The following NRDC variants were observed in gnomAD, a reference collection of about 807,000 sequenced individuals.
NRDC encodes nardilysin.
In NRDC, 54 loss-of-function variants were observed where a neutral mutation model predicts 147.1. The ratio of observed to expected loss-of-function variants is 0.37; its 90% CI spans 0.29 to 0.46. The LOEUF (loss-of-function observed/expected upper bound fraction) is 0.46. NRDC is among the 20% of genes least tolerant of loss of function. The pLI is 1.00. For synonymous variants in NRDC, 440 were observed against 482.1 expected (o/e 0.91, Z 1.14); for missense variants, 1,082 against 1,370.6 (o/e 0.79, Z 3.33).
rs1681350620 is a variant in NRDC at position 51,843,063 on chromosome 1, C to CACAA, written c.342-2550_342-2549insTTGT. 1.5e-4 allele frequency among the ~76,000 whole-genome samples: 10 copies of CACAA among 67,988 alleles called. No individual in the cohort carries two copies. In the South Asian group the frequency reaches 6.3e-3, roughly 43 times the overall value. 44.6% of individuals were successfully genotyped at this position (67,988 alleles called of 152,430 possible). On this transcript the variant is annotated intron_variant, in intron 1 of 30. Coordinates refer to ENST00000352171, the MANE Select transcript of NRDC (RefSeq NM_001101662.2). ...TGGGCAACAGAGCAAAAACCTGTCT[C>CACAA]AAAAAAAAAAAAAAAAAAAAAAGCT...
intron 22 of NRDC, 181 bp from the exon 23 acceptor site, chr1:51,795,035 T>C (rs1024042793): frequency 5.4e-6 from 8 of 1,471,284 alleles, no homozygotes; most frequent in Non-Finnish European, 7.2e-6. Flanking sequence ...ATTGTGTTTG[T>C]GGAACACTAA....
chr1:51,795,220 A>C, intron 22 of NRDC: 1 of 1,306,528 alleles, frequency 7.7e-7, no homozygotes, highest in Non-Finnish European at 1.0e-6. Flanking sequence ...TGGATAAAGC[A>C]AAGAAAATAA....
At chr1:51,863,539 C>T (rs1411261992) in intron 1 of NRDC, among the ~76,000 whole-genome samples, 1 of 152,156 alleles carries the variant, frequency 6.6e-6, no homozygotes, top group Non-Finnish European at 1.5e-5. Context: ...TGGCAAGCTA[C>T]GTCATATACT....
chr1:51,816,769 T>C (rs1171732193), intron 10 of NRDC, among the ~76,000 whole-genome samples: 7 of 152,248 alleles, frequency 4.6e-5, no homozygotes, highest in South Asian at 2.1e-4. Flanking sequence ...TGGTACCACA[T>C]TGGGTTCTGT....
At chr1:51,790,868 C>T in intron 28 of NRDC, 32 bp downstream of exon 28, 1 of 1,576,402 alleles carries the variant, frequency 6.3e-7, no homozygotes, top group Non-Finnish European at 8.7e-7. Context: ...TTGTGTGGGC[C>T]AAAGGCCAAA....
rs76550698 is a variant in NRDC, at chr1:51,791,041, G to A, written c.2961-51C>T. On this transcript the variant is annotated intron_variant, in intron 27 of 30. Transcript: ENST00000352171. ...ACTAAAACAAAACATCTTCAATTAA[G>A]TCATCAGAAACCCGATCTCAGGCAG... 2.5e-3 allele frequency: 3,259 copies of A among 1,319,638 alleles called. 58 individuals are homozygous for A. In the African/African-American group the frequency reaches 0.041, roughly 17 times the overall value. 81.7% of individuals were successfully genotyped at this position (1,319,638 alleles called of 1,614,324 possible).
At chr1:51,811,580 C>T (rs182947437) in intron 15 of NRDC, among the ~76,000 whole-genome samples, 132 of 152,188 alleles carry the variant, frequency 8.7e-4, no homozygotes, top group African/African-American at 2.7e-3. Context: ...GTTTCTAATT[C>T]GGGAACCTTA....
intron 3 of NRDC, among the ~76,000 whole-genome samples, 153 bp downstream of exon 3, chr1:51,835,978 C>T (rs899075362): frequency 3.3e-5 from 5 of 152,204 alleles, no homozygotes; most frequent in Admixed American, 6.5e-5. Flanking sequence ...GTTTCCCCCA[C>T]GATATTCATA....
intron 24 of NRDC, 25 bp downstream of exon 24, chr1:51,794,446 GC>G: frequency 1.2e-6 from 2 of 1,609,122 alleles, no homozygotes; most frequent in Non-Finnish European, 1.7e-6. Flanking sequence ...TGGGCCTTCC[GC>G]CAGTCTTTAG....
In NRDC at chr1:51,845,018, C is replaced by A. The variant is rs1234657962; in HGVS notation, c.342-4504G>T. 3.9e-5 allele frequency among the ~76,000 whole-genome samples: 6 copies of A among 152,140 alleles called. No homozygotes were observed. In the East Asian group the frequency reaches 9.6e-4, roughly 24 times the overall value. On this transcript the variant is annotated intron_variant, in intron 1 of 30. Coordinates refer to ENST00000352171, the MANE Select transcript of NRDC (RefSeq NM_001101662.2). ...CAAGGCCATTTCCCTTTTCAAAATT[C>A]ATCATTGGCTTCCCATCATACTTAA...
intron 17 of NRDC, among the ~76,000 whole-genome samples, chr1:51,808,372 C>T (rs909674183): frequency 2.6e-5 from 4 of 152,162 alleles, no homozygotes; most frequent in Admixed American, 6.5e-5. Flanking sequence ...CTGAATATTT[C>T]GTATACATGG....
At chr1:51,805,114 A>T (rs1015608573) in intron 19 of NRDC, among the ~76,000 whole-genome samples, 5 of 152,262 alleles carry the variant, frequency 3.3e-5, no homozygotes, top group African/African-American at 1.2e-4. Flanking sequence ...AGCTATCTAC[A>T]TAAATATATA....
chr1:51,848,544 ATAT>A (rs1363961184), intron 1 of NRDC, among the ~76,000 whole-genome samples: 3 of 152,160 alleles, frequency 2.0e-5, no homozygotes, highest in African/African-American at 4.8e-5. Context: ...ACTGCAAAAC[ATAT>A]TATTACCTAG....
At chr1:51,841,217 C>A (rs1193675314) in intron 1 of NRDC, among the ~76,000 whole-genome samples, 2 of 152,178 alleles carry the variant, frequency 1.3e-5, no homozygotes, top group African/African-American at 4.8e-5. Context: ...CATGTGCCAC[C>A]ATCTCAAGCT....
At chr1:51,808,896 A>G (rs978650203) in intron 17 of NRDC, among the ~76,000 whole-genome samples, 2 of 152,214 alleles carry the variant, frequency 1.3e-5, no homozygotes, top group Non-Finnish European at 2.9e-5. Flanking sequence ...TAATGCTTTC[A>G]TGGCTCATTA....
At chr1:51,841,188 G>C (rs537253833) in intron 1 of NRDC, among the ~76,000 whole-genome samples, 1 of 152,190 alleles carries the variant, frequency 6.6e-6, no homozygotes, top group African/African-American at 2.4e-5. Flanking sequence ...TCAGCCTCCT[G>C]AGTGGCTGGG....
At chr1:51,868,339 G>C (rs1354823694) in intron 1 of NRDC, among the ~76,000 whole-genome samples, 1 of 151,906 alleles carries the variant, frequency 6.6e-6, no homozygotes, top group African/African-American at 2.4e-5. Context: ...AATTCAAAAG[G>C]CAAATATGAC....
chr1:51,865,553 T>C (rs1331122231), intron 1 of NRDC, among the ~76,000 whole-genome samples: 1 of 152,040 alleles, frequency 6.6e-6, no homozygotes, highest in Admixed American at 6.6e-5. Flanking sequence ...TTCGCCCACC[T>C]TGGCTTCCCA....
At chr1:51,833,114 G>A (rs995303641) in intron 4 of NRDC, among the ~76,000 whole-genome samples, 1 of 152,114 alleles carries the variant, frequency 6.6e-6, no homozygotes, top group South Asian at 2.1e-4. Flanking sequence ...AAAGTTGGAG[G>A]CAATCTTATC....
Sources: allele counts gnomAD v4.1 joint callset (sites outside exome capture counted in the v4.1 genomes callset), GRCh38; gene constraint gnomAD v4.1.1; transcripts MANE v1.5; gene names NCBI Gene and HGNC (gene_info 2026-07-23, HGNC 2026-07-21).